CPT1A: variants seen among roughly 807,000 people sequenced by gnomAD.
The protein encoded by CPT1A is carnitine O-palmitoyltransferase 1, liver isoform.
Under a neutral mutation model 100.8 loss-of-function variants are expected in CPT1A, and 64 were observed. The ratio of observed to expected loss-of-function variants is 0.63; its 90% CI spans 0.52 to 0.78. CPT1A has a LOEUF of 0.78. CPT1A is among the 30% of genes least tolerant of loss of function. The pLI, the probability that CPT1A is intolerant of heterozygous loss-of-function variation, is 0.00. For missense variants in CPT1A, 802 were observed against 1,034.1 expected (o/e 0.78, Z 3.08); for synonymous variants, 363 against 396.0 (o/e 0.92, Z 0.99).
chr11:68,802,485 A>T (rs1394230565), intron 5 of CPT1A, among the ~76,000 whole-genome samples: 2 of 150,920 alleles, frequency 1.3e-5, no homozygotes, highest in African/African-American at 4.9e-5. Flanking sequence ...TAATCCCAGT[A>T]CTTTCGGAGG....
chr11:68,780,335 T>G (rs926569852), intron 12 of CPT1A, among the ~76,000 whole-genome samples: 3 of 152,224 alleles, frequency 2.0e-5, no homozygotes. Context: ...CAGGCCGGAG[T>G]GCAGTGGCAC....
intron 12 of CPT1A, among the ~76,000 whole-genome samples, chr11:68,776,992 G>A (rs1445373465): frequency 6.6e-6 from 1 of 152,232 alleles, no homozygotes; most frequent in Non-Finnish European, 1.5e-5. Flanking sequence ...GGCTGGCGAG[G>A]CGGCGGGGCG....
chr11:68,835,165 G>A (rs188921463), intron 1 of CPT1A, among the ~76,000 whole-genome samples: 175 of 152,308 alleles, frequency 1.1e-3, no homozygotes, highest in Non-Finnish European at 2.1e-3. Context: ...GACAGACCCA[G>A]TTATCTGACC....
At chr11:68,809,520 A>C (rs73520859) in intron 3 of CPT1A, among the ~76,000 whole-genome samples, 7,632 of 152,016 alleles carry the variant, frequency 0.05, 631 homozygotes, top group African/African-American at 0.17. Context: ...TTTTTAAGAG[A>C]TAGGGTCTCA....
chr11:68,772,650 G>A (rs992742639), intron 14 of CPT1A, among the ~76,000 whole-genome samples: 3 of 152,082 alleles, frequency 2.0e-5, no homozygotes, highest in Admixed American at 2.0e-4. Context: ...AAAGGCCAGA[G>A]ACGTTAAGTA....
intron 10 of CPT1A, among the ~76,000 whole-genome samples, chr11:68,782,160 G>A (rs544217882): frequency 2.0e-5 from 3 of 152,282 alleles, no homozygotes; most frequent in Admixed American, 6.5e-5. Context: ...CATGGGGAGC[G>A]GTGGGTATTT....
intron 14 of CPT1A, among the ~76,000 whole-genome samples, chr11:68,763,411 G>C (rs1185330154): frequency 6.6e-6 from 1 of 152,192 alleles, no homozygotes; most frequent in Non-Finnish European, 1.5e-5. Flanking sequence ...CAGGGGATCT[G>C]TGTTTGAAAT....
intron 12 of CPT1A, among the ~76,000 whole-genome samples, chr11:68,776,231 CT>C: frequency 6.6e-6 from 1 of 152,118 alleles, no homozygotes; most frequent in Non-Finnish European, 1.5e-5. Context: ...GATCTTATCT[CT>C]ACAAGAAATT....
intron 9 of CPT1A, among the ~76,000 whole-genome samples, chr11:68,791,231 G>A (rs1855604633): frequency 1.3e-5 from 2 of 152,130 alleles, no homozygotes; most frequent in South Asian, 2.1e-4. Flanking sequence ...CCCATACCAC[G>A]GTGCTGACTG....
intron 3 of CPT1A, 30 bp from the exon 4 acceptor site, chr11:68,807,668 T>C (rs768688200): frequency 2.8e-5 from 45 of 1,612,302 alleles, no homozygotes; most frequent in Non-Finnish European, 3.0e-5. Context: ...CAAGGGAGGC[T>C]GTGCGTGAGG....
rs138120544 is a variant in CPT1A, at chr11:68,766,571, C to T, written c.1741-3810G>A. 2.4e-3 allele frequency among the ~76,000 whole-genome samples: 372 copies of T among 152,140 alleles called. 6 individuals are homozygous for T. In the East Asian group the frequency reaches 0.048, roughly 19 times the overall value. ...TGCGATCTCAGCTCACTATAACCTC[C>T]GCCTCCCAGGTTCAAGGGATTCTCC... On this transcript the variant is annotated intron_variant, in intron 14 of 18. Transcript: ENST00000265641.
At chr11:68,825,252 T>G (rs2154002139) in intron 1 of CPT1A, among the ~76,000 whole-genome samples, 1 of 152,186 alleles carries the variant, frequency 6.6e-6, no homozygotes, top group South Asian at 2.1e-4. Flanking sequence ...TCTCCTGATG[T>G]TTTAGAATGT....
At chr11:68,836,085 T>G (rs1857002233) in intron 1 of CPT1A, among the ~76,000 whole-genome samples, 1 of 152,238 alleles carries the variant, frequency 6.6e-6, no homozygotes, top group Admixed American at 6.5e-5. Context: ...TGATACCTTC[T>G]GACTTCGATG....
chr11:68,763,433 A>G (rs942274427), intron 14 of CPT1A, among the ~76,000 whole-genome samples: 1 of 152,172 alleles, frequency 6.6e-6, no homozygotes, highest in East Asian at 1.9e-4. Context: ...ATTTAAAGAC[A>G]CAACGTATTG....
rs765343907 is a variant in CPT1A, at chr11:68,804,798, G to C, written c.454-697C>G. Among the ~76,000 whole-genome samples the C allele has an allele frequency of 2.9e-4, 44 of 152,318 alleles. No individual in the cohort carries two copies. In the Middle Eastern group the frequency reaches 0.014, roughly 47 times the overall value. Reference sequence around the variant, plus strand: ...TCTAGGAACAGTGAGGAGGGTCAACGTGCCTGGCCCTGAGCCAAGCCGAGG... The same window carrying C: ...TCTAGGAACAGTGAGGAGGGTCAACCTGCCTGGCCCTGAGCCAAGCCGAGG... On this transcript the variant is annotated intron_variant, in intron 4 of 18. Coordinates refer to ENST00000265641, the MANE Select transcript of CPT1A (RefSeq NM_001876.4).
intron 1 of CPT1A, among the ~76,000 whole-genome samples, chr11:68,816,102 A>G: frequency 6.6e-6 from 1 of 152,198 alleles, no homozygotes; most frequent in East Asian, 1.9e-4. Flanking sequence ...CACAGCACAG[A>G]CAAATCTCAA....
At chr11:68,762,799 T>A (rs371188092) in intron 14 of CPT1A, 38 bp from the exon 15 acceptor site, 76 of 1,613,062 alleles carry the variant, frequency 4.7e-5, no homozygotes, top group Non-Finnish European at 6.0e-5. Context: ...CGGCAGGGCA[T>A]GCTGATATGT....
chr11:68,838,686 A>G (rs1010897952), intron 1 of CPT1A, among the ~76,000 whole-genome samples: 1 of 150,906 alleles, frequency 6.6e-6, no homozygotes, highest in African/African-American at 2.4e-5. Context: ...CCATCCTCCC[A>G]CCTCAGCCTC....
At position 68,841,792 on chromosome 11, in the gene CPT1A, TGCGGCA is replaced by T. The variant is rs528519032; in HGVS notation, c.-37_-32del. ...GGCCTCACCGAGTCAGCTACGGAGG[TGCGGCA>T]GCGGCAGCGGCAGCGGCGGCGGCGG... On this transcript the variant is annotated 5_prime_UTR_variant, in exon 1 of 19. Transcript: ENST00000265641. This position sits in a 1 kb window ranked among gnomAD's most constrained non-coding sequence, Gnocchi z 6.3. The T allele has an allele frequency of 1.6e-3, 1,551 of 996,632 alleles. 1 individual carries two copies. Among genetic ancestry groups the T allele is most frequent in the Non-Finnish European group, 1.7e-3 (1,444 of 839,824 alleles). The allele number at this position is 996,632 out of a possible 1,614,324, so 61.7% of individuals were successfully genotyped here.
Sources: allele counts gnomAD v4.1 joint callset (sites outside exome capture counted in the v4.1 genomes callset), GRCh38; gene constraint gnomAD v4.1.1; non-coding constraint Gnocchi (gnomAD v3.1); transcripts MANE v1.5; gene names NCBI Gene and HGNC (gene_info 2026-07-23, HGNC 2026-07-21).